SLC4A4: variants seen among roughly 807,000 people sequenced by gnomAD.
The protein encoded by SLC4A4 is electrogenic sodium bicarbonate cotransporter 1.
SLC4A4 carries 27 observed loss-of-function variants against 111.5 expected under a neutral mutation model. That is an observed-to-expected ratio of 0.24 (90% CI 0.18 to 0.33). SLC4A4 has a LOEUF of 0.33. Among genes scored for constraint, SLC4A4 ranks in the 10% least tolerant of loss-of-function variants. The pLI is 1.00. For synonymous variants in SLC4A4, 443 were observed against 463.4 expected (o/e 0.96, Z 0.57); for missense variants, 909 against 1,315.5 (o/e 0.69, Z 4.78).
At chr4:71,265,623 C>T (rs1213618152) in intron 3 of SLC4A4, among the ~76,000 whole-genome samples, 2 of 152,138 alleles carry the variant, frequency 1.3e-5, no homozygotes, top group East Asian at 3.8e-4. Flanking sequence ...TTAATAGGAC[C>T]AGCTCTCTAC....
chr4:71,209,654 C>A (rs1718005563), intron 1 of SLC4A4, among the ~76,000 whole-genome samples: 1 of 152,106 alleles, frequency 6.6e-6, no homozygotes, highest in African/African-American at 2.4e-5. Flanking sequence ...ACTCAAATTG[C>A]TCAATCTCTG....
At chr4:71,390,293 G>A (rs898810615) in intron 6 of SLC4A4, among the ~76,000 whole-genome samples, 7 of 152,132 alleles carry the variant, frequency 4.6e-5, no homozygotes, top group African/African-American at 1.2e-4. Context: ...TTTAGTGAGT[G>A]AAATGGGAAG....
chr4:71,245,881 A>T (rs1720621326), intron 2 of SLC4A4, among the ~76,000 whole-genome samples: 1 of 152,156 alleles, frequency 6.6e-6, no homozygotes, highest in Non-Finnish European at 1.5e-5. Context: ...GAAAACTGGG[A>T]AGAGGGTGAA....
chr4:71,174,527 G>A (rs1233647015), intron 2 of SLC4A4, among the ~76,000 whole-genome samples: 1 of 151,876 alleles, frequency 6.6e-6, no homozygotes, highest in African/African-American at 2.4e-5. Context: ...GTATTACAGG[G>A]GTGAGCCACC....
At chr4:71,226,679 C>T (rs965087962) in intron 1 of SLC4A4, among the ~76,000 whole-genome samples, 18 of 152,096 alleles carry the variant, frequency 1.2e-4, no homozygotes, top group African/African-American at 3.9e-4. Flanking sequence ...AGTTGAATAA[C>T]AGGCTAAGTA....
intron 12 of SLC4A4, among the ~76,000 whole-genome samples, chr4:71,457,959 T>C (rs1726443889): frequency 6.6e-6 from 1 of 152,178 alleles, no homozygotes; most frequent in Admixed American, 6.5e-5. Flanking sequence ...AAATACGTTA[T>C]ACTATATTTT....
At chr4:71,214,068 T>G (rs1302855817) in intron 1 of SLC4A4, among the ~76,000 whole-genome samples, 1 of 152,158 alleles carries the variant, frequency 6.6e-6, no homozygotes, top group Non-Finnish European at 1.5e-5. Flanking sequence ...ATCCCAATCA[T>G]TTTTCTTGAC....
chr4:71,314,229 T>A (rs1578816273), intron 3 of SLC4A4, among the ~76,000 whole-genome samples: 1 of 152,294 alleles, frequency 6.6e-6, no homozygotes, highest in Middle Eastern at 3.4e-3. Flanking sequence ...AGATACCATC[T>A]CATGCCAGTT....
chr4:71,217,563 AAAAAAC>A (rs760069667), intron 1 of SLC4A4, among the ~76,000 whole-genome samples: 25 of 152,228 alleles, frequency 1.6e-4, no homozygotes, highest in Admixed American at 1.6e-3. Flanking sequence ...ACTCCATCTC[AAAAAAC>A]AAAAACAAAA....
At chr4:71,322,326 G>A (rs74766659) in intron 3 of SLC4A4, among the ~76,000 whole-genome samples, 3,213 of 152,018 alleles carry the variant, frequency 0.021, 136 homozygotes, top group African/African-American at 0.074. Context: ...GATTCTTTAA[G>A]GTTCGGTGCC....
chr4:71,441,479 T>C (rs1724702988), intron 8 of SLC4A4, among the ~76,000 whole-genome samples: 1 of 151,556 alleles, frequency 6.6e-6, no homozygotes, highest in South Asian at 2.1e-4. Context: ...GTCTTCAGGT[T>C]GACAGAAAAT....
At chr4:71,365,366 T>C (rs1394569377) in intron 6 of SLC4A4, among the ~76,000 whole-genome samples, 1 of 152,168 alleles carries the variant, frequency 6.6e-6, no homozygotes, top group Non-Finnish European at 1.5e-5. Flanking sequence ...AAGTTTTTTG[T>C]ATTCCCAAGC....
rs1737633376 is a variant in SLC4A4 at position 71,567,826 on chromosome 4, G to T, written c.*75G>T. The T allele has an allele frequency of 1.9e-6, 3 of 1,550,056 alleles. No individual in the cohort carries two copies. The highest frequency in any genetic ancestry group is 2.6e-6 in the Non-Finnish European group (3 of 1,145,286). On this transcript the variant is annotated 3_prime_UTR_variant, in exon 26 of 26. Coordinates refer to ENST00000264485, the MANE Select transcript of SLC4A4 (RefSeq NM_001098484.3). ...CCAGTAAAAGTTGTGCCTCAAATTA[G>T]AATAGAACTTGAACCTGAAGACAAT...
intron 14 of SLC4A4, among the ~76,000 whole-genome samples, chr4:71,476,375 G>A (rs4597791): frequency 0.26 from 38,985 of 151,556 alleles, 6,851 homozygotes; most frequent in East Asian, 0.59. Flanking sequence ...TCATCACAAC[G>A]TGCACTCTTA....
intron 2 of SLC4A4, among the ~76,000 whole-genome samples, chr4:71,150,276 G>A (rs904771046): frequency 5.2e-4 from 79 of 152,212 alleles, no homozygotes; most frequent in African/African-American, 1.8e-3. Context: ...GCTGAAGGTG[G>A]AATGGGTGAA....
chr4:71,388,822 A>G (rs1390645568), intron 6 of SLC4A4, among the ~76,000 whole-genome samples: 1 of 152,162 alleles, frequency 6.6e-6, no homozygotes, highest in Admixed American at 6.5e-5. Flanking sequence ...AAATGCTGGG[A>G]TTACAGGCAT....
At chr4:71,486,033 G>A (rs1729365812) in intron 14 of SLC4A4, among the ~76,000 whole-genome samples, 1 of 151,448 alleles carries the variant, frequency 6.6e-6, no homozygotes, top group Admixed American at 6.6e-5. Flanking sequence ...GTGGCTCAGA[G>A]GGACTGGAGT....
chr4:71,106,394 A>T (rs1355307021), intron 2 of SLC4A4, among the ~76,000 whole-genome samples: 1 of 150,238 alleles, frequency 6.7e-6, no homozygotes, highest in East Asian at 2.0e-4. Flanking sequence ...AACTAGAAAT[A>T]CCATTTGAGC....
chr4:71,416,683 A>T (rs894176749), intron 7 of SLC4A4, among the ~76,000 whole-genome samples: 9 of 151,932 alleles, frequency 5.9e-5, no homozygotes, highest in African/African-American at 2.2e-4. Flanking sequence ...TTGATTTAAA[A>T]CATTTTAAAT....
Sources: gnomAD v4.1 joint callset for allele counts (sites outside exome capture counted in the v4.1 genomes callset) on GRCh38, gnomAD v4.1.1 for gene constraint, MANE v1.5 for transcripts, NCBI Gene and HGNC (gene_info 2026-07-23, HGNC 2026-07-21) for gene names.